Variants in FBLN5 observed in about 807,000 individuals in gnomAD.
The protein encoded by FBLN5 is fibulin-5.
Under a neutral mutation model 61.6 loss-of-function variants are expected in FBLN5, and 24 were observed. That is an observed-to-expected ratio of 0.39 (90% CI 0.28 to 0.55). The LOEUF (loss-of-function observed/expected upper bound fraction) is 0.55, where lower values mean the gene tolerates loss of function less well. FBLN5 is among the 20% of genes least tolerant of loss of function. FBLN5 has a pLI of 0.65. For missense variants in FBLN5, 470 were observed against 594.1 expected, an observed-to-expected ratio of 0.79 and a Z score of 2.17; for synonymous variants, 213 against 219.8, an observed-to-expected ratio of 0.97 and a Z score of 0.27.
intron 4 of FBLN5, among the ~76,000 whole-genome samples, chr14:91,903,611 T>C (rs1890551491): frequency 6.6e-6 from 1 of 152,068 alleles, no homozygotes; most frequent in Non-Finnish European, 1.5e-5. Flanking sequence ...ACCTGTATCA[T>C]AGTCTGTGAA....
chr14:91,923,204 A>G (rs558389335), intron 4 of FBLN5, among the ~76,000 whole-genome samples: 1 of 152,214 alleles, frequency 6.6e-6, no homozygotes, highest in East Asian at 1.9e-4. Flanking sequence ...GAGCACAACC[A>G]CCCAATGAGC....
intron 10 of FBLN5, among the ~76,000 whole-genome samples, 200 bp from the exon 11 acceptor site, chr14:91,870,585 T>G (rs1888876658): frequency 6.6e-6 from 1 of 152,248 alleles, no homozygotes; most frequent in Admixed American, 6.5e-5. Flanking sequence ...GAAAGGTCAC[T>G]TCCTAAGAGG....
chr14:91,869,759 T>C lies in FBLN5; in HGVS notation c.*465A>G. On this transcript the variant is annotated 3_prime_UTR_variant, in exon 11 of 11. Transcript: ENST00000342058. ...TGGTTTGTTTACATAGCCTTCTCTG[T>C]GTACGCAAAAAGCAAACTAGCTACT... 4.3e-6 allele frequency: 1 copy of C among 231,776 alleles called. No individual in the cohort carries two copies. Among genetic ancestry groups the C allele is most frequent in the East Asian group, 1.1e-4 (1 of 9,498 alleles). 14.4% of individuals were successfully genotyped at this position (231,776 alleles called of 1,614,324 possible).
At chr14:91,896,029 C>T (rs994859008) in intron 4 of FBLN5, among the ~76,000 whole-genome samples, 9 of 152,102 alleles carry the variant, frequency 5.9e-5, no homozygotes, top group South Asian at 2.1e-4. Flanking sequence ...GCATCCACCT[C>T]GGTCCCTTCT....
intron 4 of FBLN5, among the ~76,000 whole-genome samples, chr14:91,914,328 T>A (rs4904823): frequency 0.63 from 96,112 of 151,510 alleles, 31,933 homozygotes; most frequent in Non-Finnish European, 0.74. Context: ...TACAAAAAAA[T>A]TTAGCCGAGC....
In FBLN5 at chr14:91,870,116, G is replaced by C; in HGVS notation, c.*108C>G. On this transcript the variant is annotated 3_prime_UTR_variant, in exon 11 of 11. Coordinates refer to ENST00000342058, the MANE Select transcript of FBLN5 (RefSeq NM_006329.4). ...GGCTGACTCTTCGGGGAAACGTTCA[G>C]CAGGAAATGCCTAACGTCTGTGTCG... is the stretch of plus-strand genomic sequence containing the variant. The C allele has an allele frequency of 8.5e-7, 1 of 1,179,026 alleles. No homozygotes were observed. The highest frequency in any genetic ancestry group is 1.2e-6 in the Non-Finnish European group (1 of 800,078). 73.0% of individuals were successfully genotyped at this position (1,179,026 alleles called of 1,614,324 possible). A position where few individuals can be genotyped will look rare whatever the true frequency, so the allele number is the denominator to read the frequency against.
rs141200859 is a variant in FBLN5 at position 91,937,183 on chromosome 14, G to A, written c.143C>T (p.Thr48Ile). The change falls in exon 4 of 11, where the codon ACC becomes ATC. Residue 48 changes from threonine to isoleucine, a missense_variant. By Grantham distance (89) the Thr-to-Ile change is moderately conservative. Transcript: ENST00000342058. Reference protein sequence around the residue: ...GQCLDIDECRTIPEACRGDMM... With the variant: ...GQCLDIDECRIIPEACRGDMM... ...GTCTCCTCGGCAGGCCTCGGGGATG[G>A]TTCGGCATTCATCAATATCTGAAAG... is the stretch of plus-strand genomic sequence containing the variant. 159 of 1,614,002 alleles carry A rather than the reference G, an allele frequency of 9.9e-5. 1 individual carries two copies. In the Middle Eastern group the frequency reaches 1.2e-3, roughly 12 times the overall value.
chr14:91,879,287 G>A (rs1889308779), intron 9 of FBLN5, among the ~76,000 whole-genome samples: 1 of 152,188 alleles, frequency 6.6e-6, no homozygotes, highest in Admixed American at 6.5e-5. Flanking sequence ...TGGCTATGTG[G>A]AAATGAAAGG....
intron 10 of FBLN5, 36 bp from the exon 11 acceptor site, chr14:91,870,421 G>C (rs1258107308): frequency 6.2e-6 from 10 of 1,611,146 alleles, no homozygotes; most frequent in Non-Finnish European, 8.5e-6. Context: ...GTGAGAAAAG[G>C]CCTGCATGGT....
At chr14:91,872,337 C>T (rs955830176) in intron 10 of FBLN5, among the ~76,000 whole-genome samples, 62 of 152,188 alleles carry the variant, frequency 4.1e-4, no homozygotes, top group African/African-American at 1.4e-3. Context: ...GAGATGCTCG[C>T]GGTCAGTGCA....
At position 91,943,046 on chromosome 14, in the gene FBLN5, A is replaced by C; in HGVS notation, c.18-85T>G. The C allele has an allele frequency of 1.1e-6, 1 of 883,234 alleles. No individual in the cohort carries two copies. The highest frequency in any genetic ancestry group is 1.9e-6 in the Non-Finnish European group (1 of 537,052). The allele number at this position is 883,234 out of a possible 1,614,324, so 54.7% of individuals were successfully genotyped here. ...GGGTCGCATGCGGCCCGTGACGTGT[A>C]ACGGTGATATCACCTTGGGCTTGTA... On this transcript the variant is annotated intron_variant, in intron 1 of 10. Coordinates refer to ENST00000342058, the MANE Select transcript of FBLN5 (RefSeq NM_006329.4). The surrounding 1 kb of genome is among the most constrained non-coding windows in gnomAD (Gnocchi z 4.0).
In FBLN5 at chr14:91,895,710, A is replaced by G. The variant is rs1890193287; in HGVS notation, c.380-638T>C. On this transcript the variant is annotated intron_variant, in intron 4 of 10. Coordinates refer to ENST00000342058, the MANE Select transcript of FBLN5 (RefSeq NM_006329.4). ...CTACTCAGGAGACTGAGCTGGGAGG[A>G]TCGTTTGAGCCCAGGAGGTGGAGGC... Among the ~76,000 whole-genome samples the G allele has an allele frequency of 2.8e-5, 4 of 144,154 alleles. No individual in the cohort carries two copies. The South Asian group carries it at 9.3e-4, about 33-fold the overall frequency. The allele number at this position is 144,154 out of a possible 152,430, so 94.6% of individuals were successfully genotyped here. A position where few individuals can be genotyped will look rare whatever the true frequency, so the allele number is the denominator to read the frequency against.
chr14:91,936,949 A>T lies in FBLN5; in HGVS notation c.377T>A (p.Val126Glu). Residue 126 changes from valine to glutamate, a missense_variant and splice_region_variant, in exon 4 of 11, where the codon GTG becomes GAG. Val to Glu is a moderately radical substitution (Grantham distance 121). Coordinates refer to ENST00000342058, the MANE Select transcript of FBLN5 (RefSeq NM_006329.4). ...GYQMDESNQC[V>E]DVDECATDSH... ...GAACAAAAGGCCGGGCTACTCACCC[A>T]CACATTGGTTGCTTTCATCCATCTG... 6.2e-7 allele frequency: 1 copy of T among 1,614,228 alleles called. No individual in the cohort carries two copies. The highest frequency in any genetic ancestry group is 8.5e-7 in the Non-Finnish European group (1 of 1,180,046).
intron 4 of FBLN5, among the ~76,000 whole-genome samples, chr14:91,900,467 TACAAA>T (rs926293568): frequency 2.0e-5 from 3 of 152,136 alleles, no homozygotes; most frequent in African/African-American, 7.2e-5. Context: ...TTAAAAACTG[TACAAA>T]ACAAAACAAA....
At chr14:91,939,053 C>G (rs2056065423) in intron 3 of FBLN5, among the ~76,000 whole-genome samples, 1 of 152,104 alleles carries the variant, frequency 6.6e-6, no homozygotes, top group South Asian at 2.1e-4. Flanking sequence ...TTTTTCAAAC[C>G]ATCTATCTCC....
chr14:91,891,087 GA>G (rs759720988), intron 6 of FBLN5, 133 bp downstream of exon 6: 32 of 726,246 alleles, frequency 4.4e-5, no homozygotes, highest in Non-Finnish European at 7.4e-5. Flanking sequence ...TAGTAATGGG[GA>G]TGGGCGGGCA....
At chr14:91,894,853 T>A in intron 5 of FBLN5, 97 bp downstream of exon 5, 2 of 681,314 alleles carry the variant, frequency 2.9e-6, no homozygotes, top group Non-Finnish European at 4.9e-6. Flanking sequence ...AAGAAAAGCT[T>A]ACTACCCTCA....
chr14:91,886,824 C>T (rs1889747892), intron 7 of FBLN5, among the ~76,000 whole-genome samples: 1 of 152,128 alleles, frequency 6.6e-6, no homozygotes, highest in African/African-American at 2.4e-5. Flanking sequence ...GGTCACTGCC[C>T]TCTGTAAGTA....
rs1375659761 is a variant in FBLN5, at chr14:91,947,528, A to G, written c.-299T>C. ...CTTCATTTTCTAAGTATGTTAAACA[A>G]TGCAAATGGGGCCTCAGTCTGGACA... On this transcript the variant is annotated 5_prime_UTR_variant, in exon 1 of 11. Transcript: ENST00000342058. This position sits in a 1 kb window ranked among gnomAD's most constrained non-coding sequence, Gnocchi z 4.3. 1.9e-6 allele frequency: 1 copy of G among 534,702 alleles called. No individual in the cohort carries two copies. Among genetic ancestry groups the G allele is most frequent in the Non-Finnish European group, 3.4e-6 (1 of 297,280 alleles). The allele number at this position is 534,702 out of a possible 1,614,324, so 33.1% of individuals were successfully genotyped here.
Sources: allele counts gnomAD v4.1 joint callset (sites outside exome capture counted in the v4.1 genomes callset), GRCh38; gene constraint gnomAD v4.1.1; non-coding constraint Gnocchi (gnomAD v3.1); transcripts MANE v1.5; gene names NCBI Gene and HGNC (gene_info 2026-07-23, HGNC 2026-07-21).